The following PARD3 variants were observed in gnomAD, a reference collection of about 807,000 sequenced individuals.
The protein encoded by PARD3 is par-3 family cell polarity regulator.
Under a neutral mutation model 155.4 loss-of-function variants are expected in PARD3, and 75 were observed. The observed-to-expected ratio is 0.48, with a 90% confidence interval of 0.40 to 0.58. The LOEUF (loss-of-function observed/expected upper bound fraction) is 0.58. PARD3 is among the 20% of genes least tolerant of loss of function. The pLI, the probability that PARD3 is intolerant of heterozygous loss-of-function variation, is 0.00. For synonymous variants in PARD3, 576 were observed against 610.5 expected, an observed-to-expected ratio of 0.94 and a Z score of 0.83; for missense variants, 1,642 against 1,721.7, an observed-to-expected ratio of 0.95 and a Z score of 0.82.
chr10:34,236,093 T>C (rs1054822802), intron 22 of PARD3, among the ~76,000 whole-genome samples: 3 of 152,280 alleles, frequency 2.0e-5, no homozygotes, highest in Non-Finnish European at 2.9e-5. Context: ...CAACCATCTA[T>C]TGAAGTACAA....
At chr10:34,403,864 G>T (rs1216171420) in intron 5 of PARD3, among the ~76,000 whole-genome samples, 1 of 152,152 alleles carries the variant, frequency 6.6e-6, no homozygotes, top group East Asian at 1.9e-4. Context: ...TTATAAACCA[G>T]ATGTAGGACA....
chr10:34,624,889 G>A (rs2091902582), intron 2 of PARD3, among the ~76,000 whole-genome samples: 1 of 152,224 alleles, frequency 6.6e-6, no homozygotes, highest in Admixed American at 6.5e-5. Flanking sequence ...ACACTGCTGG[G>A]GAACCGGCTT....
chr10:34,278,392 A>T (rs887820279), intron 21 of PARD3, among the ~76,000 whole-genome samples: 3 of 152,138 alleles, frequency 2.0e-5, no homozygotes, highest in African/African-American at 7.2e-5. Context: ...AGAGGGAAAA[A>T]ACATTTTAAA....
Position 34,111,218 on chromosome 10 carries a change from C to T in PARD3, c.4013G>A (p.Arg1338Lys), listed in dbSNP as rs1946365176. The T allele has an allele frequency of 3.7e-6, 6 of 1,606,216 alleles. No individual in the cohort carries two copies. The East Asian group carries it at 6.7e-5, about 18-fold the overall frequency. ...DVPPSPSQVA[R>K]LNRLQTPEKG... ...CTCAGGAGTCTGAAGTCTGTTCAGC[C>T]TCGCAACCTGAGAAGGGGAGGGGGG... The change falls in exon 25 of 25, where the codon AGG becomes AAG. Residue 1338 changes from arginine (R) to lysine (K), a missense_variant. This residue lies in a region of PARD3 where 1,529 missense variants were observed against 1,587.3 expected (regional missense o/e 0.96). Coordinates refer to ENST00000374788, the MANE Select transcript of PARD3 (RefSeq NM_001184785.2).
chr10:34,590,544 G>A (rs1346887069), intron 2 of PARD3, among the ~76,000 whole-genome samples: 2 of 152,178 alleles, frequency 1.3e-5, no homozygotes, highest in African/African-American at 4.8e-5. Flanking sequence ...GGGCAGAGTG[G>A]TTGGAAATTC....
intron 22 of PARD3, among the ~76,000 whole-genome samples, chr10:34,215,104 C>G (rs1208292158): frequency 6.6e-6 from 1 of 152,160 alleles, no homozygotes; most frequent in Non-Finnish European, 1.5e-5. Flanking sequence ...GAAACTTTGC[C>G]AATAAACGCT....
chr10:34,255,400 A>T, intron 22 of PARD3, among the ~76,000 whole-genome samples: 1 of 152,180 alleles, frequency 6.6e-6, no homozygotes, highest in Non-Finnish European at 1.5e-5. Flanking sequence ...GTAATAATAG[A>T]ATTAAAAACA....
At chr10:34,155,231 G>T (rs897612788) in intron 22 of PARD3, among the ~76,000 whole-genome samples, 1 of 152,158 alleles carries the variant, frequency 6.6e-6, no homozygotes, top group Admixed American at 6.5e-5. Flanking sequence ...CTGGACTGGG[G>T]ACTGATTATT....
chr10:34,515,680 A>C (rs1005858725), intron 3 of PARD3, among the ~76,000 whole-genome samples: 1 of 152,234 alleles, frequency 6.6e-6, no homozygotes, highest in South Asian at 2.1e-4. Flanking sequence ...AGAGAAGCAG[A>C]AGTAGTTTGT....
chr10:34,405,079 A>ACACACAC (rs1844309207), intron 5 of PARD3, among the ~76,000 whole-genome samples: 20 of 59,446 alleles, frequency 3.4e-4, no homozygotes, highest in African/African-American at 1.7e-3. Flanking sequence ...CACAAACACA[A>ACACACAC]ACACACACAC....
chr10:34,409,007 G>C (rs972390322), intron 5 of PARD3, among the ~76,000 whole-genome samples: 1 of 152,088 alleles, frequency 6.6e-6, no homozygotes, highest in Non-Finnish European at 1.5e-5. Flanking sequence ...AGGATTCTAT[G>C]AAGAATTATT....
At chr10:34,435,251 G>T (rs1224512414) in intron 5 of PARD3, among the ~76,000 whole-genome samples, 2 of 152,116 alleles carry the variant, frequency 1.3e-5, no homozygotes, top group African/African-American at 4.8e-5. Flanking sequence ...ATTGCAGATG[G>T]CAACACTTCA....
intron 2 of PARD3, among the ~76,000 whole-genome samples, chr10:34,543,943 A>C (rs1357864865): frequency 6.6e-6 from 1 of 152,186 alleles, no homozygotes; most frequent in East Asian, 1.9e-4. Flanking sequence ...CCTGTCTGGC[A>C]CTCATCAAGA....
chr10:34,339,616 A>G (rs573431194), intron 16 of PARD3, among the ~76,000 whole-genome samples: 16 of 152,300 alleles, frequency 1.1e-4, no homozygotes, highest in South Asian at 1.0e-3. Flanking sequence ...CACATTATTA[A>G]TGTTCTCTCA....
At chr10:34,510,739 T>C (rs2081355546) in intron 3 of PARD3, among the ~76,000 whole-genome samples, 1 of 152,056 alleles carries the variant, frequency 6.6e-6, no homozygotes, top group South Asian at 2.1e-4. Context: ...AACCAACATA[T>C]AGAAGTAGAC....
chr10:34,646,106 A>G (rs1378137247), intron 2 of PARD3, among the ~76,000 whole-genome samples: 1 of 152,234 alleles, frequency 6.6e-6, no homozygotes, highest in African/African-American at 2.4e-5. Flanking sequence ...ATAACTGAAT[A>G]TATGGTTATC....
intron 2 of PARD3, among the ~76,000 whole-genome samples, chr10:34,592,655 A>C (rs894329175): frequency 1.3e-5 from 2 of 152,194 alleles, no homozygotes; most frequent in African/African-American, 4.8e-5. Flanking sequence ...ACACACCTGT[A>C]GTCCCAGCTA....
intron 2 of PARD3, among the ~76,000 whole-genome samples, chr10:34,622,820 T>TTC (rs2091762506): frequency 6.8e-6 from 1 of 146,324 alleles, no homozygotes; most frequent in African/African-American, 2.7e-5. Context: ...GTTGGTTTTC[T>TTC]TTTTTTCTTT....
At chr10:34,579,336 C>T (rs1217273967) in intron 2 of PARD3, among the ~76,000 whole-genome samples, 1 of 151,954 alleles carries the variant, frequency 6.6e-6, no homozygotes, top group South Asian at 2.1e-4. Flanking sequence ...TAAACCCCAG[C>T]GCCTCTAAGC....
Sources: gnomAD v4.1 joint callset for allele counts (sites outside exome capture counted in the v4.1 genomes callset) on GRCh38, gnomAD v4.1.1 for gene constraint, gnomAD v4.1.1 regional missense constraint, MANE v1.5 for transcripts, NCBI Gene and HGNC (gene_info 2026-07-23, HGNC 2026-07-21) for gene names.